LRTM3: variants seen among roughly 807,000 people sequenced by gnomAD.
LRTM3 encodes the protein leucine-rich repeat transmembrane protein 3.
At chr13:102,738,146 T>C in the LRTM3 span, 2 of 1,551,166 alleles carry the variant, frequency 1.3e-6, no homozygotes, top group South Asian at 1.2e-5. Context: ...TGGTAGGTCC[T>C]GTGAAAGTGC....
At chr13:102,752,000 A>G in the LRTM3 span, among the ~76,000 whole-genome samples, 1 of 152,110 alleles carries the variant, frequency 6.6e-6, no homozygotes, top group Non-Finnish European at 1.5e-5. Context: ...GCCCTTTGGA[A>G]AGGCTTGCAC....
the LRTM3 span, chr13:102,740,217 C>T: frequency 6.5e-7 from 1 of 1,548,884 alleles, no homozygotes; most frequent in Non-Finnish European, 8.7e-7. Context: ...GATTTCATTC[C>T]TTTTGGAAAT....
the LRTM3 span, chr13:102,735,725 T>G: frequency 6.4e-7 from 1 of 1,550,498 alleles, no homozygotes; most frequent in Non-Finnish European, 8.7e-7. Flanking sequence ...ATGCAGTGAC[T>G]CAGTATATGC....
the LRTM3 span, chr13:102,732,419 G>T: frequency 4.0e-4 from 618 of 1,551,144 alleles, 4 homozygotes; most frequent in African/African-American, 7.3e-3. Flanking sequence ...TAAATATTTG[G>T]TGCTCAATTC....
At chr13:102,741,241 C>T in the LRTM3 span, 2 of 1,550,156 alleles carry the variant, frequency 1.3e-6, no homozygotes, top group African/African-American at 1.4e-5. Context: ...GCTCTTTTCC[C>T]CAAAGATTTT....
At chr13:102,737,789 G>A in the LRTM3 span, 5 of 1,550,048 alleles carry the variant, frequency 3.2e-6, no homozygotes, top group Admixed American at 9.8e-5. Flanking sequence ...CTGGTGCCTT[G>A]GTTGTAAAAT....
chr13:102,737,352 T>C, the LRTM3 span: 4 of 1,550,910 alleles, frequency 2.6e-6, no homozygotes, highest in African/African-American at 5.5e-5. Context: ...TCTCCTTCTT[T>C]TCTTGTGTTC....
the LRTM3 span, chr13:102,732,739 G>C: frequency 3.6e-5 from 56 of 1,551,238 alleles, no homozygotes; most frequent in Non-Finnish European, 4.7e-5. Context: ...TCCTGGCCTT[G>C]TGCATCTCTG....
the LRTM3 span, chr13:102,741,948 C>T: frequency 1.9e-6 from 3 of 1,550,480 alleles, no homozygotes; most frequent in Non-Finnish European, 2.6e-6. Flanking sequence ...TGTTCCTTTT[C>T]TCTAATATCT....
the LRTM3 span, chr13:102,735,454 T>C: frequency 2.6e-6 from 4 of 1,551,154 alleles, no homozygotes; most frequent in African/African-American, 1.4e-5. Flanking sequence ...ACTTAAGATA[T>C]GGTGGAGTAA....
the LRTM3 span, chr13:102,743,204 G>A: frequency 1.3e-6 from 2 of 1,550,648 alleles, no homozygotes; most frequent in Non-Finnish European, 1.7e-6. Flanking sequence ...CAAGTTGGAA[G>A]TTCTTCTCTT....
chr13:102,756,700 A>AAAAAAAAAAC, the LRTM3 span, among the ~76,000 whole-genome samples: 1 of 92,718 alleles, frequency 1.1e-5, no homozygotes, highest in African/African-American at 5.7e-5. Context: ...AAAAAACAAA[A>AAAAAAAAAAC]AAACAAAAAG....
the LRTM3 span, chr13:102,748,722 T>C: frequency 2.6e-6 from 4 of 1,549,870 alleles, no homozygotes; most frequent in Non-Finnish European, 3.5e-6. Flanking sequence ...GCTTGTGTAA[T>C]TGAGTCTTTA....
chr13:102,756,648 T>C, the LRTM3 span, among the ~76,000 whole-genome samples: 4 of 115,158 alleles, frequency 3.5e-5, no homozygotes, highest in Non-Finnish European at 4.9e-5. Flanking sequence ...CTCTCCAGCC[T>C]GGGCAAAAAG....
the LRTM3 span, chr13:102,733,348 T>C: frequency 6.4e-7 from 1 of 1,551,398 alleles, no homozygotes; most frequent in African/African-American, 1.4e-5. Context: ...CATCTTCCTT[T>C]GGCTTATCAA....
At chr13:102,758,618 T>C in the LRTM3 span, 1 of 1,521,698 alleles carries the variant, frequency 6.6e-7, no homozygotes, top group Non-Finnish European at 8.8e-7. Context: ...GTAATCGGAG[T>C]ATCAAAATTC....
chr13:102,735,522 T>G, the LRTM3 span: 1 of 1,551,152 alleles, frequency 6.4e-7, no homozygotes, highest in East Asian at 2.4e-5. Context: ...TCTTCCTGAA[T>G]CTTTCTCTTT....
At chr13:102,735,604 G>A in the LRTM3 span, 2 of 1,550,844 alleles carry the variant, frequency 1.3e-6, no homozygotes, top group South Asian at 1.2e-5. Flanking sequence ...TTGCTTTCAG[G>A]TCTGTACATT....
chr13:102,754,794 C>A, the LRTM3 span, among the ~76,000 whole-genome samples: 3 of 152,150 alleles, frequency 2.0e-5, no homozygotes, highest in Non-Finnish European at 4.4e-5. Flanking sequence ...AAAAGAGTAA[C>A]AGTTCTAGAG....
Sources: gnomAD v4.1 joint callset for allele counts (sites outside exome capture counted in the v4.1 genomes callset) on GRCh38, gnomAD v4.1.1 for gene constraint, MANE v1.5 for transcripts, NCBI Gene and HGNC (gene_info 2026-07-23, HGNC 2026-07-21) for gene names.